Variants in MED13L observed in about 807,000 individuals in gnomAD.
The protein encoded by MED13L is mediator complex subunit 13L.
Under a neutral mutation model 220.9 loss-of-function variants are expected in MED13L, and 7 were observed. That is an observed-to-expected ratio of 0.03 (90% CI 0.02 to 0.06). The LOEUF is 0.06. MED13L is among the 10% of genes least tolerant of loss of function. The pLI, the probability that MED13L is intolerant of heterozygous loss-of-function variation, is 1.00. For synonymous variants in MED13L, 1,011 were observed against 1,015.2 expected, an observed-to-expected ratio of 1.00 and a Z score of 0.08; for missense variants, 1,965 against 2,760.5, an observed-to-expected ratio of 0.71 and a Z score of 6.46.
intron 17 of MED13L, among the ~76,000 whole-genome samples, chr12:115,990,086 C>T (rs907782796): frequency 9.9e-5 from 15 of 152,158 alleles, no homozygotes; most frequent in Admixed American, 3.9e-4. Flanking sequence ...TCTAACCTCG[C>T]GTCAGTTTCT....
intron 22 of MED13L, among the ~76,000 whole-genome samples, chr12:115,981,376 T>C (rs536847476): frequency 6.6e-6 from 1 of 152,260 alleles, no homozygotes; most frequent in Non-Finnish European, 1.5e-5. Flanking sequence ...CAATGTACTC[T>C]GATAACTTTA....
chr12:116,200,132 TAGCCTGTTTTTTAAAAAATTA>T (rs1881917524), intron 2 of MED13L, among the ~76,000 whole-genome samples: 1 of 151,154 alleles, frequency 6.6e-6, no homozygotes, highest in African/African-American at 2.4e-5. Context: ...TTATTTTAAA[TAGCCTGTTTTTTAAAAAATTA>T]CATGACTAAA....
intron 4 of MED13L, among the ~76,000 whole-genome samples, chr12:116,076,284 C>T (rs973147810): frequency 2.0e-5 from 3 of 152,122 alleles, no homozygotes; most frequent in African/African-American, 7.2e-5. Flanking sequence ...TGCCTGTAAT[C>T]CCAGCACATT....
intron 19 of MED13L, among the ~76,000 whole-genome samples, chr12:115,985,021 T>C (rs751411049): frequency 2.0e-5 from 3 of 152,172 alleles, no homozygotes; most frequent in African/African-American, 4.8e-5. Context: ...CTTACTAGAG[T>C]AGATGAAGTG....
chr12:116,244,672 T>C (rs1870950577), intron 1 of MED13L, among the ~76,000 whole-genome samples: 1 of 152,224 alleles, frequency 6.6e-6, no homozygotes, highest in African/African-American at 2.4e-5. Flanking sequence ...GGCGCTCAGC[T>C]GGGTGCAGTG....
chr12:115,993,709 GA>G (rs1185025753), intron 16 of MED13L, among the ~76,000 whole-genome samples: 25 of 152,294 alleles, frequency 1.6e-4, no homozygotes, highest in African/African-American at 6.0e-4. Context: ...GTTCAGATCA[GA>G]AAAGGAACTA....
At chr12:116,019,178 T>C (rs372321504) in intron 7 of MED13L, 46 bp downstream of exon 7, 73 of 1,579,492 alleles carry the variant, frequency 4.6e-5, no homozygotes, top group Non-Finnish European at 5.7e-5. Context: ...GACTATACAA[T>C]TGTCTGAGAT....
At chr12:116,249,539 G>A (rs1213884774) in intron 1 of MED13L, among the ~76,000 whole-genome samples, 4 of 151,830 alleles carry the variant, frequency 2.6e-5, no homozygotes, top group Non-Finnish European at 5.9e-5. Context: ...ACCCAGAAAT[G>A]AAAGTAATGA....
chr12:116,237,568 A>G lies in MED13L; in HGVS notation c.210T>C (p.Cys70=). 1 of 1,614,218 alleles carries G rather than the reference A, an allele frequency of 6.2e-7. No homozygotes were observed. Among genetic ancestry groups the G allele is most frequent in the South Asian group, 1.1e-5 (1 of 91,092 alleles). The change falls in exon 2 of 31, where the codon TGT becomes TGC. Residue 70 remains cysteine (C), a synonymous_variant. Transcript: ENST00000281928. ...FIRCLQANLL[C]VWRRDVKPDC... is the part of the protein sequence containing the mutation. ...CTGGTTTGACATCACGACGCCATACACAAAGCAGGTTAGCTTGCAGACAGC... is the reference window on the plus strand; with the variant it reads ...CTGGTTTGACATCACGACGCCATACGCAAAGCAGGTTAGCTTGCAGACAGC...
chr12:115,989,694 C>A (rs996853299), intron 17 of MED13L, among the ~76,000 whole-genome samples: 2 of 152,096 alleles, frequency 1.3e-5, no homozygotes, highest in African/African-American at 2.4e-5. Flanking sequence ...CTTTGAACAC[C>A]ACTGACTATC....
chr12:116,167,653 CTA>C (rs1272793613), intron 2 of MED13L, among the ~76,000 whole-genome samples: 1 of 152,172 alleles, frequency 6.6e-6, no homozygotes, highest in Non-Finnish European at 1.5e-5. Context: ...AGAGACCTAA[CTA>C]TAATTCTCCA....
Position 115,991,398 on chromosome 12 carries a change from T to C in MED13L, c.3556A>G (p.Ile1186Val), listed in dbSNP as rs969345718. The change falls in exon 17 of 31, where the codon ATT becomes GTT. Residue 1186 changes from isoleucine to valine, a missense_variant. Ile to Val is a conservative substitution (Grantham distance 29, BLOSUM62 3). Coordinates refer to ENST00000281928, the MANE Select transcript of MED13L (RefSeq NM_015335.5). The surrounding 1 kb of genome is among the most constrained non-coding windows in gnomAD (Gnocchi z 7.7). Reference sequence around the variant, plus strand: ...CCAATATCAGAATTCTTCCCAAAAATATCCAACTCATCTTCAAGGAAGAGT... The same window carrying C: ...CCAATATCAGAATTCTTCCCAAAAACATCCAACTCATCTTCAAGGAAGAGT... Reference protein sequence around the residue: ...SGLFLEDELDIFGKNSDIGQA... With the variant: ...SGLFLEDELDVFGKNSDIGQA... The C allele has an allele frequency of 6.2e-7, 1 of 1,613,954 alleles. No homozygotes were observed. The highest frequency in any genetic ancestry group is 8.5e-7 in the Non-Finnish European group (1 of 1,180,014).
intron 4 of MED13L, among the ~76,000 whole-genome samples, chr12:116,092,331 C>T (rs1333157084): frequency 6.6e-6 from 1 of 152,236 alleles, no homozygotes; most frequent in East Asian, 1.9e-4. Flanking sequence ...TCTCTAAAAG[C>T]TAAATAACAC....
chr12:116,195,337 G>A (rs1288491685), intron 2 of MED13L, among the ~76,000 whole-genome samples: 2 of 152,022 alleles, frequency 1.3e-5, no homozygotes, highest in African/African-American at 4.8e-5. Flanking sequence ...GGGGAGTGGG[G>A]GGACTTCCCA....
At chr12:116,035,266 A>G (rs1027773012) in intron 4 of MED13L, among the ~76,000 whole-genome samples, 2 of 152,200 alleles carry the variant, frequency 1.3e-5, no homozygotes, top group African/African-American at 4.8e-5. Context: ...AGAGGCAGAA[A>G]TATAAAGGGG....
At chr12:116,204,787 G>T (rs1882212373) in intron 2 of MED13L, among the ~76,000 whole-genome samples, 1 of 152,168 alleles carries the variant, frequency 6.6e-6, no homozygotes, top group African/African-American at 2.4e-5. Flanking sequence ...TAGATATAGA[G>T]ATACTTAGGT....
At chr12:116,168,927 G>A (rs1196096001) in intron 2 of MED13L, 1 of 152,132 alleles carries the variant, frequency 6.6e-6, no homozygotes, top group Non-Finnish European at 1.5e-5. Flanking sequence ...ACAGTAATAA[G>A]CCCATTACAC....
At chr12:116,086,933 C>T (rs1291282916) in intron 4 of MED13L, among the ~76,000 whole-genome samples, 1 of 152,034 alleles carries the variant, frequency 6.6e-6, no homozygotes, top group Non-Finnish European at 1.5e-5. Context: ...AATTAGAAAA[C>T]AGCTGATGTC....
intron 2 of MED13L, among the ~76,000 whole-genome samples, chr12:116,153,949 A>C (rs1256307980): frequency 6.6e-6 from 1 of 152,160 alleles, no homozygotes; most frequent in Non-Finnish European, 1.5e-5. Context: ...TACACAAATC[A>C]ATGTCGGTGA....
Sources: allele counts gnomAD v4.1 joint callset (sites outside exome capture counted in the v4.1 genomes callset), GRCh38; gene constraint gnomAD v4.1.1; non-coding constraint Gnocchi (gnomAD v3.1); transcripts MANE v1.5; gene names NCBI Gene and HGNC (gene_info 2026-07-23, HGNC 2026-07-21).